The following LAMA1 variants were observed in gnomAD, a reference collection of about 807,000 sequenced individuals.
LAMA1 encodes the protein laminin subunit alpha-1.
A neutral mutation model predicts 348.7 loss-of-function variants in LAMA1; 219 were observed. That is an observed-to-expected ratio of 0.63 (90% CI 0.56 to 0.70). LAMA1 has a LOEUF of 0.70. Among genes scored for constraint, LAMA1 ranks in the 30% least tolerant of loss-of-function variants. The pLI is 0.00. For missense variants in LAMA1, 3,744 were observed against 3,888.0 expected (o/e 0.96, Z 0.99); for synonymous variants, 1,487 against 1,491.0 (o/e 1.00, Z 0.06).
intron 57 of LAMA1, chr18:6,955,111 A>G: frequency 1.8e-6 from 1 of 543,422 alleles, no homozygotes; most frequent in Non-Finnish European, 3.3e-6. Flanking sequence ...TGCACACAGA[A>G]AGGGGAAGCC....
chr18:7,021,836 A>T (rs1193001620), intron 19 of LAMA1, among the ~76,000 whole-genome samples: 1 of 58,192 alleles, frequency 1.7e-5, no homozygotes, highest in African/African-American at 1.3e-4. Context: ...ATAATATAAT[A>T]ATATATTATA....
intron 3 of LAMA1, among the ~76,000 whole-genome samples, chr18:7,059,706 T>C (rs2058095321): frequency 6.6e-6 from 1 of 152,172 alleles, no homozygotes; most frequent in South Asian, 2.1e-4. Context: ...TGGGGCTCAA[T>C]ACCAGGCATG....
At chr18:7,007,757 G>A (rs1190978153) in intron 28 of LAMA1, among the ~76,000 whole-genome samples, 3 of 146,866 alleles carry the variant, frequency 2.0e-5, no homozygotes, top group Non-Finnish European at 4.6e-5. Flanking sequence ...ACAGATTAAC[G>A]AATAAGCAAA....
chr18:7,041,895 G>C (rs777994544), intron 9 of LAMA1, among the ~76,000 whole-genome samples: 7 of 152,076 alleles, frequency 4.6e-5, no homozygotes, highest in Non-Finnish European at 8.8e-5. Flanking sequence ...CTCTCGACCT[G>C]GCATTATATT....
intron 32 of LAMA1, 64 bp downstream of exon 32, chr18:6,999,381 A>T: frequency 6.5e-7 from 1 of 1,541,138 alleles, no homozygotes; most frequent in Non-Finnish European, 9.0e-7. Context: ...TGCCGTCACC[A>T]CTTCTTTCCC....
intron 3 of LAMA1, among the ~76,000 whole-genome samples, chr18:7,053,036 T>C (rs1325234945): frequency 6.6e-6 from 1 of 151,992 alleles, no homozygotes; most frequent in East Asian, 1.9e-4. Flanking sequence ...AATAAATAAA[T>C]AAATAAACAA....
At chr18:6,966,416 A>AT in intron 48 of LAMA1, 119 bp from the exon 49 acceptor site, 1 of 848,374 alleles carries the variant, frequency 1.2e-6, no homozygotes, top group Non-Finnish European at 1.9e-6. Flanking sequence ...CCATACTTTC[A>AT]TAACAAGTGT....
chr18:6,944,274 C>T (rs2057512972), intron 61 of LAMA1, among the ~76,000 whole-genome samples: 1 of 152,174 alleles, frequency 6.6e-6, no homozygotes, highest in African/African-American at 2.4e-5. Context: ...CCTCGGCCTC[C>T]CAAAGTGCCG....
chr18:7,015,995 A>G (rs1600395294), intron 21 of LAMA1, 137 bp from the exon 22 acceptor site: 2 of 1,016,228 alleles, frequency 2.0e-6, no homozygotes, highest in East Asian at 2.6e-5. Flanking sequence ...AATTCCCAAG[A>G]CCCCTCCATG....
chr18:6,962,222 G>C (rs2057611550), intron 51 of LAMA1, among the ~76,000 whole-genome samples, 163 bp from the exon 52 acceptor site: 1 of 152,124 alleles, frequency 6.6e-6, no homozygotes, highest in African/African-American at 2.4e-5. Flanking sequence ...ACGAGTTTGA[G>C]ACAAGCCAGG....
chr18:7,038,382 C>A (rs762551351), intron 11 of LAMA1, among the ~76,000 whole-genome samples: 1 of 152,160 alleles, frequency 6.6e-6, no homozygotes, highest in Non-Finnish European at 1.5e-5. Flanking sequence ...CTAAACCCTG[C>A]ACCACGTGCC....
chr18:7,004,262 G>A (rs368148223), intron 29 of LAMA1, among the ~76,000 whole-genome samples: 1 of 152,208 alleles, frequency 6.6e-6, no homozygotes, highest in African/African-American at 2.4e-5. Context: ...CCAGAAGGCG[G>A]TGGTAGGGAG....
At chr18:7,027,676 T>C (rs599580) in intron 16 of LAMA1, among the ~76,000 whole-genome samples, 11,595 of 151,902 alleles carry the variant, frequency 0.076, 1,500 homozygotes, top group African/African-American at 0.27. Context: ...GGCGCGGTGG[T>C]TCACGCCTGT....
intron 29 of LAMA1, among the ~76,000 whole-genome samples, chr18:7,004,643 C>A (rs763877195): frequency 2.6e-4 from 39 of 152,310 alleles, no homozygotes; most frequent in African/African-American, 9.1e-4. Context: ...TGAGCCACTG[C>A]GCCCGGCCCC....
intron 10 of LAMA1, 148 bp from the exon 11 acceptor site, chr18:7,039,098 T>A: frequency 1.4e-6 from 1 of 733,148 alleles, no homozygotes; most frequent in Admixed American, 2.0e-5. Context: ...AAAGTCAATA[T>A]TTCCAGAATA....
chr18:6,990,344 G>A lies in LAMA1; in HGVS notation c.5168+2217C>T, dbSNP rs181361076. ...AATGAACTGACCTCAGAAGGGTAACGGTGGGAGGGGAGAGCCCCACAAAAT... is the reference window on the plus strand; with the variant it reads ...AATGAACTGACCTCAGAAGGGTAACAGTGGGAGGGGAGAGCCCCACAAAAT... On this transcript the variant is annotated intron_variant, in intron 36 of 62. Transcript: ENST00000389658. 1.2e-3 allele frequency among the ~76,000 whole-genome samples: 176 copies of A among 152,238 alleles called. 1 individual carries two copies. The highest frequency in any genetic ancestry group is 4.1e-3 in the African/African-American group (169 of 41,548).
At chr18:7,005,469 C>T (rs2057827885) in intron 29 of LAMA1, among the ~76,000 whole-genome samples, 1 of 152,178 alleles carries the variant, frequency 6.6e-6, no homozygotes, top group Non-Finnish European at 1.5e-5. Context: ...GAAGGGACAG[C>T]CGGGCGTGAT....
intron 43 of LAMA1, 32 bp downstream of exon 43, chr18:6,978,164 G>C (rs118037753): frequency 6.2e-7 from 1 of 1,613,302 alleles, no homozygotes; most frequent in African/African-American, 1.3e-5. Flanking sequence ...TGACGCAGAC[G>C]ATCATGACTG....
Position 6,975,056 on chromosome 18 carries a change from CG to C in LAMA1, c.6490-21del, listed in dbSNP as rs781502709. The stretch of plus-strand genomic sequence containing the variant: ...ATCAGACTGGGGGGCGAGGAATGAA[CG>C]GGGATCAGTTTACACACTGGACTGT... On this transcript the variant is annotated intron_variant, in intron 45 of 62. Coordinates refer to ENST00000389658, the MANE Select transcript of LAMA1 (RefSeq NM_005559.4). 41 of 1,611,384 alleles carry C rather than the reference CG, an allele frequency of 2.5e-5. No homozygotes were observed. In the African/African-American group the frequency reaches 4.8e-4, roughly 19 times the overall value.
Sources: gnomAD v4.1 joint callset for allele counts (sites outside exome capture counted in the v4.1 genomes callset) on GRCh38, gnomAD v4.1.1 for gene constraint, MANE v1.5 for transcripts, NCBI Gene and HGNC (gene_info 2026-07-23, HGNC 2026-07-21) for gene names.